The following RIMS1 variants were observed in gnomAD, a reference collection of about 807,000 sequenced individuals.
RIMS1 encodes the protein regulating synaptic membrane exocytosis 1.
In RIMS1, 83 loss-of-function variants were observed where a neutral mutation model predicts 214.1. The ratio of observed to expected loss-of-function variants is 0.39; its 90% CI spans 0.32 to 0.47. RIMS1 has a LOEUF of 0.47. Among genes scored for constraint, RIMS1 ranks in the 20% least tolerant of loss-of-function variants. The pLI, the probability that RIMS1 is intolerant of heterozygous loss-of-function variation, is 0.99. For synonymous variants in RIMS1, 793 were observed against 786.8 expected, an observed-to-expected ratio of 1.01 and a Z score of -0.13; for missense variants, 2,050 against 2,161.8, an observed-to-expected ratio of 0.95 and a Z score of 1.03.
chr6:72,353,075 C>G (rs549371848), intron 29 of RIMS1, among the ~76,000 whole-genome samples: 2 of 136,830 alleles, frequency 1.5e-5, no homozygotes, highest in African/African-American at 5.4e-5. Flanking sequence ...ACTGCAACTT[C>G]CGTCTCCCGG....
intron 1 of RIMS1, among the ~76,000 whole-genome samples, chr6:71,902,782 G>A (rs1434181645): frequency 1.3e-5 from 2 of 152,040 alleles, no homozygotes; most frequent in African/African-American, 2.4e-5. Context: ...GTGATATTCG[G>A]TTTTCTGTTC....
intron 4 of RIMS1, among the ~76,000 whole-genome samples, chr6:72,176,429 G>C (rs1460170190): frequency 1.3e-5 from 2 of 152,132 alleles, no homozygotes; most frequent in African/African-American, 2.4e-5. Flanking sequence ...GTGTTGAAAT[G>C]TATGACAATA....
chr6:72,003,952 C>T (rs980950900), intron 2 of RIMS1, among the ~76,000 whole-genome samples: 6 of 150,370 alleles, frequency 4.0e-5, no homozygotes, highest in Non-Finnish European at 8.9e-5. Flanking sequence ...ATGTGCCATG[C>T]TGGTGTGCTG....
chr6:72,394,587 A>T (rs1359011726), intron 31 of RIMS1, among the ~76,000 whole-genome samples: 1 of 152,126 alleles, frequency 6.6e-6, no homozygotes, highest in Non-Finnish European at 1.5e-5. Flanking sequence ...TCAGATAAAA[A>T]TATTGAAAAT....
At chr6:72,195,668 C>T (rs560308977) in intron 6 of RIMS1, among the ~76,000 whole-genome samples, 3 of 152,144 alleles carry the variant, frequency 2.0e-5, no homozygotes, top group African/African-American at 4.8e-5. Context: ...TTAAACTAAA[C>T]GTACTGGGAG....
At chr6:72,002,495 G>A (rs1805598494) in intron 2 of RIMS1, among the ~76,000 whole-genome samples, 1 of 152,106 alleles carries the variant, frequency 6.6e-6, no homozygotes, top group Admixed American at 6.5e-5. Context: ...GAGAACAAAA[G>A]ACCAAAGATG....
intron 2 of RIMS1, among the ~76,000 whole-genome samples, chr6:72,008,648 A>G (rs1452227090): frequency 6.6e-6 from 1 of 152,194 alleles, no homozygotes; most frequent in Admixed American, 6.5e-5. Flanking sequence ...GCAAATGGAA[A>G]ACAAAAAAAG....
At chr6:72,334,539 CCAGA>C (rs1425419325) in intron 29 of RIMS1, among the ~76,000 whole-genome samples, 1 of 151,590 alleles carries the variant, frequency 6.6e-6, no homozygotes, top group Non-Finnish European at 1.5e-5. Context: ...ATAAAATTGG[CCAGA>C]CAGATTAGAT....
chr6:72,319,623 G>A (rs1470969384), intron 28 of RIMS1, among the ~76,000 whole-genome samples: 1 of 152,018 alleles, frequency 6.6e-6, no homozygotes, highest in Non-Finnish European at 1.5e-5. Flanking sequence ...CCAATATTGA[G>A]AGCTTCATTC....
At chr6:72,309,553 A>C (rs751339754) in intron 27 of RIMS1, among the ~76,000 whole-genome samples, 3 of 152,064 alleles carry the variant, frequency 2.0e-5, no homozygotes, top group Non-Finnish European at 4.4e-5. Context: ...TGTGGCTTTC[A>C]ATTTACCTAA....
chr6:72,083,846 A>G (rs1233847740), intron 2 of RIMS1, among the ~76,000 whole-genome samples: 1 of 152,176 alleles, frequency 6.6e-6, no homozygotes, highest in African/African-American at 2.4e-5. Context: ...CCTCATGGTC[A>G]TGAAGCTGAG....
At chr6:72,143,187 T>C (rs561542804) in intron 4 of RIMS1, among the ~76,000 whole-genome samples, 2 of 152,346 alleles carry the variant, frequency 1.3e-5, no homozygotes, top group South Asian at 2.1e-4. Context: ...AAATGTGATA[T>C]TTATCTCAAG....
chr6:72,194,970 TA>T (rs1330575901), intron 6 of RIMS1, among the ~76,000 whole-genome samples: 3 of 152,098 alleles, frequency 2.0e-5, no homozygotes, highest in African/African-American at 7.2e-5. Flanking sequence ...GCTTATAAAA[TA>T]ACAGTTAAAG....
intron 4 of RIMS1, among the ~76,000 whole-genome samples, chr6:72,160,749 G>A (rs1046232650): frequency 7.1e-6 from 1 of 140,464 alleles, no homozygotes; most frequent in Non-Finnish European, 1.6e-5. Context: ...GATCATGGTG[G>A]GTAAGTTTTT....
At chr6:72,189,771 G>A (rs1367567692) in intron 6 of RIMS1, among the ~76,000 whole-genome samples, 1 of 152,238 alleles carries the variant, frequency 6.6e-6, no homozygotes, top group Non-Finnish European at 1.5e-5. Context: ...CTGTGTTCAT[G>A]GGCCCATTGG....
chr6:72,273,682 C>T (rs1018377586), intron 22 of RIMS1, among the ~76,000 whole-genome samples: 18 of 152,134 alleles, frequency 1.2e-4, no homozygotes, highest in Non-Finnish European at 2.4e-4. Flanking sequence ...TTTATCATTT[C>T]ATGTATCTAT....
At chr6:72,031,271 T>A (rs1361125278) in intron 2 of RIMS1, among the ~76,000 whole-genome samples, 1 of 152,118 alleles carries the variant, frequency 6.6e-6, no homozygotes, top group African/African-American at 2.4e-5. Flanking sequence ...CTGAGGGAAG[T>A]GTGGGGATTT....
intron 2 of RIMS1, among the ~76,000 whole-genome samples, chr6:71,974,573 A>G (rs985080478): frequency 6.6e-6 from 1 of 152,184 alleles, no homozygotes; most frequent in Admixed American, 6.5e-5. Context: ...GGGACCAGGT[A>G]GGAGAGGCAG....
chr6:72,300,506 T>G (rs2094504402), intron 26 of RIMS1, among the ~76,000 whole-genome samples: 1 of 151,824 alleles, frequency 6.6e-6, no homozygotes, highest in Admixed American at 6.6e-5. Flanking sequence ...AAATTATGGC[T>G]AAACATTTTA....
Sources: allele counts gnomAD v4.1 joint callset (sites outside exome capture counted in the v4.1 genomes callset), GRCh38; gene constraint gnomAD v4.1.1; transcripts MANE v1.5; gene names NCBI Gene and HGNC (gene_info 2026-07-23, HGNC 2026-07-21).